GDAP1L1: variants seen among roughly 807,000 people sequenced by gnomAD.
GDAP1L1 encodes ganglioside induced differentiation associated protein 1 like 1, also known as ganglioside-induced differentiation-associated protein 1-like 1.
GDAP1L1 carries 21 observed loss-of-function variants against 37.1 expected under a neutral mutation model. The observed-to-expected ratio is 0.57, with a 90% CI of 0.40 to 0.81. The LOEUF (loss-of-function observed/expected upper bound fraction) is 0.81. Ranked by LOEUF, GDAP1L1 falls within the 40% of genes least tolerant of loss-of-function variation. The pLI is 0.00. For missense variants in GDAP1L1, 362 were observed against 491.6 expected (o/e 0.74, Z 2.49); for synonymous variants, 193 against 209.1 (o/e 0.92, Z 0.67).
At chr20:44,259,985 C>T (rs972761144) in intron 3 of GDAP1L1, among the ~76,000 whole-genome samples, 1 of 152,104 alleles carries the variant, frequency 6.6e-6, no homozygotes, top group African/African-American at 2.4e-5. Flanking sequence ...AGTTTGAATG[C>T]GCTCTCAGGA....
intron 5 of GDAP1L1, among the ~76,000 whole-genome samples, chr20:44,270,315 C>T (rs922905648): frequency 2.9e-4 from 44 of 150,270 alleles, no homozygotes; most frequent in South Asian, 6.3e-4. Context: ...GGACTACAGG[C>T]GCCCGCCACT....
intron 3 of GDAP1L1, among the ~76,000 whole-genome samples, chr20:44,261,799 G>A (rs968990933): frequency 3.3e-5 from 5 of 152,162 alleles, no homozygotes; most frequent in African/African-American, 9.7e-5. Context: ...GACATTGAGC[G>A]GGCAGACCTC....
At chr20:44,273,874 T>C (rs996928924) in intron 5 of GDAP1L1, among the ~76,000 whole-genome samples, 5 of 152,152 alleles carry the variant, frequency 3.3e-5, no homozygotes, top group African/African-American at 1.2e-4. Context: ...AATGGCAATA[T>C]ATCACTGAGA....
chr20:44,248,991 G>A (rs1342080306), intron 1 of GDAP1L1, among the ~76,000 whole-genome samples: 2 of 152,138 alleles, frequency 1.3e-5, no homozygotes, highest in Non-Finnish European at 2.9e-5. Flanking sequence ...ACTGATGATG[G>A]CAGTGCCTGG....
At position 44,279,675 on chromosome 20, in the gene GDAP1L1, G is replaced by A. The variant is rs1254833028; in HGVS notation, c.*375G>A. ...GGCCCAGATTCTGGGAGGTGCTGGG[G>A]ACTCAGAGGGCCTGACCCCTCACCT... is the stretch of plus-strand genomic sequence containing the variant. On this transcript the variant is annotated 3_prime_UTR_variant, in exon 6 of 6. Transcript: ENST00000342560. The A allele has an allele frequency of 2.1e-6, 1 of 478,278 alleles. No individual in the cohort carries two copies. The highest frequency in any genetic ancestry group is 4.3e-6 in the Non-Finnish European group (1 of 232,080). 29.6% of individuals were successfully genotyped at this position (478,278 alleles called of 1,614,324 possible). A position where few individuals can be genotyped will look rare whatever the true frequency, so the allele number is the denominator to read the frequency against.
chr20:44,259,553 T>C (rs1319969642), intron 3 of GDAP1L1, among the ~76,000 whole-genome samples: 4 of 150,112 alleles, frequency 2.7e-5, no homozygotes, highest in Non-Finnish European at 5.9e-5. Flanking sequence ...TGGAGTGTAG[T>C]GGCGCAATCT....
intron 5 of GDAP1L1, among the ~76,000 whole-genome samples, chr20:44,276,606 C>T (rs2062585305): frequency 6.6e-6 from 1 of 152,040 alleles, no homozygotes; most frequent in Admixed American, 6.6e-5. Context: ...TTTACTTTTA[C>T]CATTGCAGAT....
intron 2 of GDAP1L1, among the ~76,000 whole-genome samples, chr20:44,257,830 C>G (rs1281247899): frequency 6.6e-6 from 1 of 151,900 alleles, no homozygotes; most frequent in Non-Finnish European, 1.5e-5. Flanking sequence ...CGCCCCAGAA[C>G]CCTGAGACAG....
At position 44,252,921 on chromosome 20, in the gene GDAP1L1, A is replaced by G. The variant is rs888323938; in HGVS notation, c.181-4232A>G. Among the ~76,000 whole-genome samples, 8 of 151,748 alleles carry G rather than the reference A, an allele frequency of 5.3e-5. No homozygotes were observed. In the East Asian group the frequency reaches 1.5e-3, roughly 29 times the overall value. On this transcript the variant is annotated intron_variant, in intron 1 of 5. Coordinates refer to ENST00000342560, the MANE Select transcript of GDAP1L1 (RefSeq NM_024034.6). ...CTCCAGACACACTGGCTTCCTTGCT[A>G]TCTTTTGAGTATGTCCAACATGCTT...
At chr20:44,259,873 G>C (rs974911664) in intron 3 of GDAP1L1, among the ~76,000 whole-genome samples, 1 of 152,166 alleles carries the variant, frequency 6.6e-6, no homozygotes, top group Admixed American at 6.5e-5. Context: ...CTGGGCAGGG[G>C]ACTGGGGACA....
At chr20:44,253,033 T>G (rs2073475238) in intron 1 of GDAP1L1, among the ~76,000 whole-genome samples, 1 of 152,196 alleles carries the variant, frequency 6.6e-6, no homozygotes, top group Admixed American at 6.5e-5. Context: ...TTTCAAGCCT[T>G]TGCTCAAGGG....
intron 1 of GDAP1L1, among the ~76,000 whole-genome samples, chr20:44,255,637 C>T (rs983087196): frequency 2.0e-5 from 3 of 151,482 alleles, no homozygotes; most frequent in Non-Finnish European, 4.4e-5. Context: ...GAAACAACAC[C>T]GTTCAGGTTC....
At chr20:44,252,457 T>C (rs2073463348) in intron 1 of GDAP1L1, among the ~76,000 whole-genome samples, 1 of 151,904 alleles carries the variant, frequency 6.6e-6, no homozygotes, top group African/African-American at 2.4e-5. Flanking sequence ...CTGACCAACA[T>C]GGTGAAATCC....
In GDAP1L1 at chr20:44,257,209, G is replaced by T. The variant is rs774079137; in HGVS notation, c.237G>T (p.Leu79=). 1 of 1,611,296 alleles carries T rather than the reference G, an allele frequency of 6.2e-7. No individual in the cohort carries two copies. The highest frequency in any genetic ancestry group is 8.5e-7 in the Non-Finnish European group (1 of 1,179,010). ...GLVCEERDVS[L]PQSEHKEPWF... is the part of the protein sequence containing the mutation. Reference sequence around the variant, plus strand: ...TGTGCGAGGAGCGGGACGTGAGCCTGCCACAGAGCGAGCACAAGGAGCCCT... The same window carrying T: ...TGTGCGAGGAGCGGGACGTGAGCCTTCCACAGAGCGAGCACAAGGAGCCCT... Residue 79 remains leucine (L), a synonymous_variant, in exon 2 of 6, where the codon CTG becomes CTT. Coordinates refer to ENST00000342560, the MANE Select transcript of GDAP1L1 (RefSeq NM_024034.6).
At position 44,247,375 on chromosome 20, in the gene GDAP1L1, G is replaced by T. The variant is rs757040831; in HGVS notation, c.41G>T (p.Trp14Leu). The T allele has an allele frequency of 6.2e-7, 1 of 1,613,524 alleles. No homozygotes were observed. Among genetic ancestry groups the T allele is most frequent in the Admixed American group, 1.7e-5 (1 of 60,026 alleles). Residue 14 changes from tryptophan to leucine, a missense_variant, in exon 1 of 6, where the codon TGG becomes TTG. Trp to Leu is a moderately conservative substitution (Grantham distance 61, BLOSUM62 -2). Coordinates refer to ENST00000342560, the MANE Select transcript of GDAP1L1 (RefSeq NM_024034.6). Reference sequence around the variant, plus strand: ...AATCTGACCCCCACCAACTGCAGCTGGTGGCCCATCTCCGCGCTGGAGAGC... The same window carrying T: ...AATCTGACCCCCACCAACTGCAGCTTGTGGCCCATCTCCGCGCTGGAGAGC... ...PNNLTPTNCS[W>L]WPISALESDA... is the part of the protein sequence containing the mutation.
At chr20:44,270,041 A>C (rs2062496684) in intron 5 of GDAP1L1, among the ~76,000 whole-genome samples, 1 of 152,232 alleles carries the variant, frequency 6.6e-6, no homozygotes, top group Non-Finnish European at 1.5e-5. Flanking sequence ...ATGGTGTTTA[A>C]AGCTATAGAA....
rs1306331041 is a variant in GDAP1L1, at chr20:44,258,424, G to A, written c.374-10G>A. 1.3e-6 allele frequency: 2 copies of A among 1,547,980 alleles called. No individual in the cohort carries two copies. The highest frequency in any genetic ancestry group is 2.4e-5 in the East Asian group (1 of 40,882). ...TGGCTTCCCTGCCCAGCCCCTGGCG[G>A]TGCCCACAGAGCACGTGGTGGCCCT... On this transcript the variant is annotated splice_polypyrimidine_tract_variant and intron_variant, in intron 2 of 5. Coordinates refer to ENST00000342560, the MANE Select transcript of GDAP1L1 (RefSeq NM_024034.6).
intron 1 of GDAP1L1, among the ~76,000 whole-genome samples, chr20:44,248,704 G>T (rs2073382724): frequency 6.6e-6 from 1 of 152,208 alleles, no homozygotes; most frequent in South Asian, 2.1e-4. Context: ...GTCCCTGGAT[G>T]ATCCTGGTTA....
chr20:44,277,360 C>T (rs1238825655), intron 5 of GDAP1L1, among the ~76,000 whole-genome samples: 1 of 152,204 alleles, frequency 6.6e-6, no homozygotes, highest in African/African-American at 2.4e-5. Flanking sequence ...AGCTCTGAGG[C>T]TGTGCAGGAG....
Sources: gnomAD v4.1 joint callset for allele counts (sites outside exome capture counted in the v4.1 genomes callset) on GRCh38, gnomAD v4.1.1 for gene constraint, MANE v1.5 for transcripts, NCBI Gene and HGNC (gene_info 2026-07-23, HGNC 2026-07-21) for gene names.